The following TMEM268 variants were observed in gnomAD, a reference collection of about 807,000 sequenced individuals.
The protein encoded by TMEM268 is transmembrane protein C9orf91.
A neutral mutation model predicts 39.1 loss-of-function variants in TMEM268; 24 were observed. That is an observed-to-expected ratio of 0.61 (90% CI 0.44 to 0.86). The LOEUF is 0.86. TMEM268 is among the 40% of genes least tolerant of loss of function. The probability of loss-of-function intolerance (pLI) is 0.00; values close to 1 mark genes in which losing one functional copy is unlikely to be tolerated. For synonymous variants in TMEM268, 176 were observed against 173.5 expected (o/e 1.01, Z -0.12); for missense variants, 409 against 428.6 (o/e 0.95, Z 0.40).
chr9:114,622,397 C>T (rs573575924), intron 2 of TMEM268: 18 of 985,236 alleles, frequency 1.8e-5, no homozygotes, highest in Non-Finnish European at 2.2e-5. Flanking sequence ...TCTCCCACCC[C>T]CCAGACCTCC....
At chr9:114,642,047 A>G (rs2133724378) in intron 8 of TMEM268, among the ~76,000 whole-genome samples, 1 of 152,348 alleles carries the variant, frequency 6.6e-6, no homozygotes, top group East Asian at 1.9e-4. Context: ...TATAAAATGT[A>G]CCATCTTAAC....
chr9:114,636,864 C>T, intron 6 of TMEM268, 126 bp from the exon 7 acceptor site: 1 of 642,894 alleles, frequency 1.6e-6, no homozygotes, highest in East Asian at 2.5e-5. Flanking sequence ...ACAAATGAGA[C>T]ATTGTCATGG....
chr9:114,640,796 G>A (rs907038236), intron 8 of TMEM268, among the ~76,000 whole-genome samples: 1 of 152,108 alleles, frequency 6.6e-6, no homozygotes, highest in Admixed American at 6.6e-5. Context: ...TTTTTTGAGT[G>A]ATAATGATGG....
At chr9:114,632,925 T>C (rs1291955165) in intron 5 of TMEM268, among the ~76,000 whole-genome samples, 1 of 152,218 alleles carries the variant, frequency 6.6e-6, no homozygotes, top group Non-Finnish European at 1.5e-5. Context: ...GCAGCAGAGC[T>C]GGGCTTTATC....
At chr9:114,609,235 C>A (rs550186608), upstream of TMEM268, among the ~76,000 whole-genome samples, 35 of 151,932 alleles carry the variant, frequency 2.3e-4, no homozygotes, top group South Asian at 6.9e-3. Flanking sequence ...CGCTTGAACC[C>A]GGGAGGTGGA....
intron 1 of TMEM268, among the ~76,000 whole-genome samples, chr9:114,613,276 G>C (rs555062593): frequency 6.2e-4 from 94 of 152,272 alleles, no homozygotes; most frequent in Admixed American, 3.7e-3. Context: ...CCTCATGGGG[G>C]GATTTTGCAA....
chr9:114,619,686 T>C (rs1018342626), intron 2 of TMEM268, among the ~76,000 whole-genome samples: 8 of 152,182 alleles, frequency 5.3e-5, no homozygotes. Flanking sequence ...GTTCTCACTT[T>C]CATTTTCCCT....
At position 114,611,556 on chromosome 9, in the gene TMEM268, G is replaced by GCGGCGC. The variant is rs1845489505; in HGVS notation, c.-85_-84insGCGCCG. On this transcript the variant is annotated 5_prime_UTR_variant, in exon 1 of 9. Coordinates refer to ENST00000288502, the MANE Select transcript of TMEM268 (RefSeq NM_153045.4). ...GGTGGCGGCGGCGGCGGCGGCGGCGGCGCGGGCGGTGAGTGTGCGCGGGCC... is the reference window on the plus strand; with the variant it reads ...GGTGGCGGCGGCGGCGGCGGCGGCGGCGGCGCCGCGGGCGGTGAGTGTGCGCGGGCC... The GCGGCGC allele has an allele frequency of 1.2e-5, 2 of 167,884 alleles. No homozygotes were observed. The highest frequency in any genetic ancestry group is 2.4e-5 in the African/African-American group (1 of 41,184). The allele number at this position is 167,884 out of a possible 1,614,324, so 10.4% of individuals were successfully genotyped here.
chr9:114,613,506 G>A (rs1845586832), intron 1 of TMEM268, among the ~76,000 whole-genome samples: 1 of 152,212 alleles, frequency 6.6e-6, no homozygotes, highest in African/African-American at 2.4e-5. Flanking sequence ...AATGAAGGAG[G>A]GAAGGGCTTC....
intron 2 of TMEM268, among the ~76,000 whole-genome samples, chr9:114,617,881 T>TA (rs1564285657): frequency 1.5e-5 from 2 of 132,102 alleles, no homozygotes; most frequent in African/African-American, 5.0e-5. Context: ...AATTTTTTAT[T>TA]TTTTTTATTT....
chr9:114,630,061 T>G (rs1172292913), intron 5 of TMEM268, among the ~76,000 whole-genome samples: 1 of 152,218 alleles, frequency 6.6e-6, no homozygotes, highest in Non-Finnish European at 1.5e-5. Flanking sequence ...ACCTGACAGG[T>G]GCTTCGAGGA....
intron 2 of TMEM268, among the ~76,000 whole-genome samples, chr9:114,618,376 C>CA (rs887542450): frequency 2.6e-5 from 4 of 151,942 alleles, no homozygotes; most frequent in Non-Finnish European, 5.9e-5. Flanking sequence ...ATTCATCCAT[C>CA]AGACATGGTG....
At position 114,628,083 on chromosome 9, in the gene TMEM268, C is replaced by G. The variant is rs1214734627; in HGVS notation, c.325-18C>G. ...GGACTGAAGTTCCTGACCATGCTCT[C>G]TGTCTGGCATCTTGCAGGTTTTCTA... On this transcript the variant is annotated intron_variant, in intron 4 of 8. Transcript: ENST00000288502. 1 of 1,610,840 alleles carries G rather than the reference C, an allele frequency of 6.2e-7. No individual in the cohort carries two copies. The highest frequency in any genetic ancestry group is 8.5e-7 in the Non-Finnish European group (1 of 1,177,222).
chr9:114,627,155 A>G, intron 4 of TMEM268, 149 bp downstream of exon 4: 1 of 535,486 alleles, frequency 1.9e-6, no homozygotes, highest in Non-Finnish European at 3.4e-6. Context: ...ACATATGGAC[A>G]TTGATTTGGG....
At chr9:114,624,487 C>G in intron 3 of TMEM268, 28 bp downstream of exon 3, 2 of 1,551,896 alleles carry the variant, frequency 1.3e-6, no homozygotes, top group Non-Finnish European at 1.7e-6. Context: ...TGAATCCCTA[C>G]CATTTTCTCT....
At chr9:114,643,045 A>G in intron 8 of TMEM268, 89 bp from the exon 9 acceptor site, 1 of 1,380,576 alleles carries the variant, frequency 7.2e-7, no homozygotes. Flanking sequence ...CAGGGGCAAG[A>G]AAGCAGCATG....
At chr9:114,622,644 G>T (rs1564288463) in intron 2 of TMEM268, 3 of 261,668 alleles carry the variant, frequency 1.1e-5, no homozygotes, top group South Asian at 2.9e-4. Flanking sequence ...GAGCAGCCTG[G>T]GTTGATGCGT....
intron 1 of TMEM268, among the ~76,000 whole-genome samples, chr9:114,615,164 T>C (rs1462072239): frequency 6.6e-6 from 1 of 152,208 alleles, no homozygotes; most frequent in Non-Finnish European, 1.5e-5. Flanking sequence ...CCCAAAGTGC[T>C]GGGATTACAG....
At chr9:114,637,542 C>T (rs145123235) in intron 7 of TMEM268, among the ~76,000 whole-genome samples, 1,781 of 152,236 alleles carry the variant, frequency 0.012, 15 homozygotes, top group South Asian at 0.025. Flanking sequence ...GATCCGTCTG[C>T]CTTGGCCTCC....
Sources: allele counts gnomAD v4.1 joint callset (sites outside exome capture counted in the v4.1 genomes callset), GRCh38; gene constraint gnomAD v4.1.1; transcripts MANE v1.5; gene names NCBI Gene and HGNC (gene_info 2026-07-23, HGNC 2026-07-21).